The following RYK variants were observed in gnomAD, a reference collection of about 807,000 sequenced individuals.
RYK encodes inactive tyrosine-protein kinase RYK.
In RYK, 21 loss-of-function variants were observed where a neutral mutation model predicts 70.2. The ratio of observed to expected loss-of-function variants is 0.30; its 90% CI spans 0.21 to 0.43. The LOEUF is 0.43. Among genes scored for constraint, RYK ranks in the 20% least tolerant of loss-of-function variants. RYK has a pLI of 1.00. For synonymous variants in RYK, 267 were observed against 278.0 expected (o/e 0.96, Z 0.39); for missense variants, 604 against 753.3 (o/e 0.80, Z 2.32).
chr3:134,237,556 AAAAAC>A (rs1015515833), intron 1 of RYK, among the ~76,000 whole-genome samples: 4 of 152,222 alleles, frequency 2.6e-5, no homozygotes, highest in African/African-American at 9.6e-5. Context: ...GTTAAGGCAA[AAAAAC>A]AAAAGTGATG....
At chr3:134,242,973 G>A (rs999192236) in intron 1 of RYK, among the ~76,000 whole-genome samples, 4 of 152,146 alleles carry the variant, frequency 2.6e-5, no homozygotes, top group Admixed American at 2.6e-4. Flanking sequence ...TTAAGGATTT[G>A]CTGCAGAGTG....
chr3:134,248,746 C>T (rs1051862297), intron 1 of RYK, among the ~76,000 whole-genome samples: 2 of 151,802 alleles, frequency 1.3e-5, no homozygotes, highest in Non-Finnish European at 2.9e-5. Context: ...TGCAGTGAGC[C>T]GAGATCACGC....
chr3:134,244,120 G>GT (rs2015392324), intron 1 of RYK, among the ~76,000 whole-genome samples: 1 of 152,096 alleles, frequency 6.6e-6, no homozygotes, highest in Admixed American at 6.5e-5. Context: ...TTTCTAACTG[G>GT]TGGGAGATGG....
chr3:134,192,778 G>A (rs1029204022), intron 7 of RYK, among the ~76,000 whole-genome samples: 6 of 152,150 alleles, frequency 3.9e-5, no homozygotes, highest in African/African-American at 1.4e-4. Flanking sequence ...TGGTTGCCAG[G>A]AGAACCACAT....
At chr3:134,232,646 C>T (rs1415128621) in intron 1 of RYK, among the ~76,000 whole-genome samples, 1 of 152,190 alleles carries the variant, frequency 6.6e-6, no homozygotes, top group Non-Finnish European at 1.5e-5. Context: ...AACAGATACT[C>T]CATTCTTTAT....
intron 2 of RYK, among the ~76,000 whole-genome samples, chr3:134,221,325 C>G (rs1478684524): frequency 6.7e-6 from 1 of 150,186 alleles, no homozygotes; most frequent in Non-Finnish European, 1.5e-5. Flanking sequence ...CTGCCTCAGC[C>G]TCCTGAGTAG....
At chr3:134,213,706 C>G (rs1200765874) in intron 2 of RYK, among the ~76,000 whole-genome samples, 1 of 152,218 alleles carries the variant, frequency 6.6e-6, no homozygotes, top group Non-Finnish European at 1.5e-5. Flanking sequence ...ACCTGACCCT[C>G]AGGGCCTAGA....
intron 1 of RYK, among the ~76,000 whole-genome samples, chr3:134,230,351 G>T (rs2015022349): frequency 6.6e-6 from 1 of 152,210 alleles, no homozygotes; most frequent in African/African-American, 2.4e-5. Context: ...AAAGTACTGG[G>T]ATTACAAGCG....
At chr3:134,249,630 G>A (rs1292013495) in intron 1 of RYK, among the ~76,000 whole-genome samples, 1 of 152,036 alleles carries the variant, frequency 6.6e-6, no homozygotes. Flanking sequence ...AAACAACAAA[G>A]CTAAGCAAGT....
At chr3:134,222,302 A>G (rs2014764416) in intron 2 of RYK, 116 bp downstream of exon 2, 2 of 1,046,128 alleles carry the variant, frequency 1.9e-6, no homozygotes, top group Non-Finnish European at 2.9e-6. Flanking sequence ...CAGTACTATT[A>G]TATCACATCA....
rs2108136017 is a variant in RYK, at chr3:134,158,036, G to C, written c.*117C>G. On this transcript the variant is annotated 3_prime_UTR_variant, in exon 15 of 15. Coordinates refer to ENST00000623711, the MANE Select transcript of RYK (RefSeq NM_002958.4). ...TTCTAAAGCATTTCTAAGGCACGGTGTTCTGGAAGACAAATGTGCTTCTGT... is the reference window on the plus strand; with the variant it reads ...TTCTAAAGCATTTCTAAGGCACGGTCTTCTGGAAGACAAATGTGCTTCTGT... 1 of 443,070 alleles carries C rather than the reference G, an allele frequency of 2.3e-6. No homozygotes were observed. The highest frequency in any genetic ancestry group is 4.3e-5 in the Admixed American group (1 of 23,360). 27.4% of individuals were successfully genotyped at this position (443,070 alleles called of 1,614,324 possible).
At chr3:134,245,952 G>C (rs1006241622) in intron 1 of RYK, among the ~76,000 whole-genome samples, 2 of 151,840 alleles carry the variant, frequency 1.3e-5, no homozygotes, top group Non-Finnish European at 2.9e-5. Context: ...AGACAGTCAA[G>C]GATCACCAGA....
intron 1 of RYK, among the ~76,000 whole-genome samples, chr3:134,238,393 G>A (rs968680291): frequency 1.3e-5 from 2 of 152,196 alleles, no homozygotes; most frequent in African/African-American, 4.8e-5. Context: ...GAGGATTAGA[G>A]AGAGCTTTCC....
chr3:134,169,570 A>G (rs1313208021), intron 13 of RYK, among the ~76,000 whole-genome samples: 1 of 152,184 alleles, frequency 6.6e-6, no homozygotes, highest in Non-Finnish European at 1.5e-5. Flanking sequence ...TCAACAGTTA[A>G]AAGTTGACGT....
chr3:134,206,560 A>C (rs1483723466), intron 5 of RYK, among the ~76,000 whole-genome samples: 1 of 152,196 alleles, frequency 6.6e-6, no homozygotes, highest in African/African-American at 2.4e-5. Flanking sequence ...AACATGGACT[A>C]TCTATTGGAG....
intron 5 of RYK, among the ~76,000 whole-genome samples, chr3:134,203,623 C>T (rs901172949): frequency 1.3e-5 from 2 of 151,776 alleles, no homozygotes; most frequent in Non-Finnish European, 2.9e-5. Context: ...GATAAGGGTA[C>T]CTTTACAAAG....
chr3:134,207,488 G>T lies in RYK; in HGVS notation c.627C>A (p.Asn209Lys). ...EEVKTSALDK[N>K]TSRTIYDPVH... The stretch of plus-strand genomic sequence containing the variant: ...AACACTTACAAATAGTTCTGCTAGT[G>T]TTTTTGTCCAAGGCTGAAGTTTTTA... The change falls in exon 5 of 15, where the codon AAC (asparagine) becomes AAA (lysine). Residue 209 changes from asparagine to lysine, a missense_variant. This residue lies in a region of RYK where 466 missense variants were observed against 535.9 expected (regional missense o/e 0.87). Coordinates refer to ENST00000623711, the MANE Select transcript of RYK (RefSeq NM_002958.4). The T allele has an allele frequency of 6.5e-7, 1 of 1,541,386 alleles. No individual in the cohort carries two copies. The highest frequency in any genetic ancestry group is 8.8e-7 in the Non-Finnish European group (1 of 1,140,256).
intron 13 of RYK, among the ~76,000 whole-genome samples, chr3:134,164,817 A>C (rs1431816843): frequency 1.3e-5 from 2 of 152,252 alleles, no homozygotes; most frequent in Non-Finnish European, 2.9e-5. Flanking sequence ...GCTGTTTCCC[A>C]AAGTTTGGAA....
intron 1 of RYK, among the ~76,000 whole-genome samples, chr3:134,228,522 G>A (rs189518252): frequency 6.6e-6 from 1 of 152,214 alleles, no homozygotes; most frequent in Admixed American, 6.5e-5. Flanking sequence ...TTAAAAAAAT[G>A]GACATTCTGT....
Sources: allele counts gnomAD v4.1 joint callset (sites outside exome capture counted in the v4.1 genomes callset), GRCh38; gene constraint gnomAD v4.1.1; regional missense constraint gnomAD v4.1.1; transcripts MANE v1.5; gene names NCBI Gene and HGNC (gene_info 2026-07-23, HGNC 2026-07-21).